Variants in FARSA observed in about 807,000 individuals in gnomAD.
FARSA encodes phenylalanyl-tRNA synthetase subunit alpha, also known as phenylalanine--tRNA ligase alpha subunit.
Under a neutral mutation model 63.2 loss-of-function variants are expected in FARSA, and 37 were observed. The ratio of observed to expected loss-of-function variants is 0.59; its 90% CI spans 0.45 to 0.77. The LOEUF is 0.77. FARSA is among the 30% of genes least tolerant of loss of function. The probability of loss-of-function intolerance (pLI) is 0.00; values close to 1 mark genes in which losing one functional copy is unlikely to be tolerated. For synonymous variants in FARSA, 312 were observed against 285.1 expected (o/e 1.09, Z -0.95); for missense variants, 618 against 696.6 (o/e 0.89, Z 1.27).
rs780203774 is a variant in FARSA, at chr19:12,930,597, C to A, written c.285+15G>T. The stretch of plus-strand genomic sequence containing the variant: ...CATCCCATCACTCACTCCCCATTCA[C>A]CCCGCAGCTCCTACCATAAGCTCGC... On this transcript the variant is annotated intron_variant, in intron 2 of 12. Transcript: ENST00000314606. 1.2e-6 allele frequency: 2 copies of A among 1,607,336 alleles called. No homozygotes were observed. Among genetic ancestry groups the A allele is most frequent in the East Asian group, 2.2e-5 (1 of 44,770 alleles).
At chr19:12,930,804 AC>A (rs35503400) in intron 1 of FARSA, 55 bp from the exon 2 acceptor site, 2 of 1,595,460 alleles carry the variant, frequency 1.3e-6, no homozygotes, top group South Asian at 1.1e-5. Flanking sequence ...AGAGCCAGGC[AC>A]CCCCTTTCTG....
Position 12,927,803 on chromosome 19 carries a change from G to A in FARSA, c.841+539C>T, listed in dbSNP as rs543076961. 2.0e-4 allele frequency among the ~76,000 whole-genome samples: 29 copies of A among 147,124 alleles called. No homozygotes were observed. In the South Asian group the frequency reaches 6.0e-3, roughly 30 times the overall value. The stretch of plus-strand genomic sequence containing the variant: ...TGTAATCCCAGCACTTTGGGAGGCC[G>A]AGGCAGACTGGAGTTTGAGACCACC... On this transcript the variant is annotated intron_variant, in intron 7 of 12. Transcript: ENST00000314606.
chr19:12,922,715 CG>C lies in FARSA; in HGVS notation c.*32del, dbSNP rs35636827. ...GCAAAGGAGCGCAGCAGCAGGGACT[CG>C]GGGAGGATGACCTGTCCTAGAGTGG... is the stretch of plus-strand genomic sequence containing the variant. On this transcript the variant is annotated 3_prime_UTR_variant, in exon 13 of 13. Transcript: ENST00000314606. 14 of 1,610,608 alleles carry C rather than the reference CG, an allele frequency of 8.7e-6. No homozygotes were observed. The African/African-American group carries it at 1.7e-4, about 20-fold the overall frequency.
intron 4 of FARSA, 116 bp from the exon 5 acceptor site, chr19:12,928,963 A>T: frequency 1.1e-6 from 1 of 876,472 alleles, no homozygotes; most frequent in Non-Finnish European, 1.9e-6. Flanking sequence ...CTTTATTTCC[A>T]TCCTGACATT....
At chr19:12,933,000 C>T (rs1020542773) in intron 1 of FARSA, 1 of 155,056 alleles carries the variant, frequency 6.4e-6, no homozygotes, top group Non-Finnish European at 1.4e-5. Flanking sequence ...ATCTGACCGG[C>T]TCTAGCTCCT....
intron 4 of FARSA, among the ~76,000 whole-genome samples, chr19:12,929,395 C>T (rs540769108): frequency 6.6e-6 from 1 of 152,246 alleles, no homozygotes; most frequent in South Asian, 2.1e-4. Context: ...TCAGTAAAGA[C>T]GAGGTTTCAC....
At chr19:12,923,027 AC>A in intron 12 of FARSA, 141 bp from the exon 13 acceptor site, 1 of 1,052,374 alleles carries the variant, frequency 9.5e-7, no homozygotes, top group Non-Finnish European at 1.4e-6. Context: ...CTGCTCTATC[AC>A]CTCTCACCCT....
Position 12,930,509 on chromosome 19 carries a change from C to G in FARSA, c.304G>C (p.Val102Leu). The part of the protein sequence containing the change: ...SELMRLPSGK[V>L]GFSKAMSNKW... ...TTGGACATGGCCTTGCTGAAGCCCA[C>G]TTTGCCACTGGGCAGTCGCTGGAAA... The change falls in exon 3 of 13, where the codon GTG becomes CTG. Residue 102 changes from valine (V) to leucine (L), a missense_variant. Physicochemically the swap from Val to Leu is conservative, Grantham distance 32. Coordinates refer to ENST00000314606, the MANE Select transcript of FARSA (RefSeq NM_004461.3). The G allele has an allele frequency of 6.2e-7, 1 of 1,614,096 alleles. No homozygotes were observed. Among genetic ancestry groups the G allele is most frequent in the Non-Finnish European group, 8.5e-7 (1 of 1,179,950 alleles).
In FARSA at chr19:12,922,759, CCT is replaced by C; in HGVS notation, c.1514_1515del (p.Gln505ArgfsTer37). The C allele has an allele frequency of 3.1e-6, 5 of 1,613,872 alleles. No homozygotes were observed. Among genetic ancestry groups the C allele is most frequent in the Non-Finnish European group, 3.4e-6 (4 of 1,180,010 alleles). On this transcript the variant is annotated frameshift_variant, in exon 13 of 13. Coordinates refer to ENST00000314606, the MANE Select transcript of FARSA (RefSeq NM_004461.3). LOFTEE classifies it high-confidence loss of function. ...TAGAGTGGCCCATGTCACGCAGCCTCCTGTGTGGGAGGGGGCCTCGGCTCGGC... is the reference window on the plus strand; with the variant it reads ...TAGAGTGGCCCATGTCACGCAGCCTCGTGTGGGAGGGGGCCTCGGCTCGGC... ...LDAEPRPPPT[Q>X]EAA
rs1307193756 is a variant in FARSA at position 12,933,370 on chromosome 19, G to C, written c.147+180C>G. 4.5e-6 allele frequency: 3 copies of C among 664,080 alleles called. No homozygotes were observed. The African/African-American group carries it at 5.6e-5, about 12-fold the overall frequency. 41.1% of individuals were successfully genotyped at this position (664,080 alleles called of 1,614,324 possible). A position where few individuals can be genotyped will look rare whatever the true frequency, so the allele number is the denominator to read the frequency against. The stretch of plus-strand genomic sequence containing the variant: ...GCCTCAATAAACGTTTATTGCATGA[G>C]GAACATCCGTGCGTCTGGGCCCTCA... On this transcript the variant is annotated intron_variant, in intron 1 of 12. Coordinates refer to ENST00000314606, the MANE Select transcript of FARSA (RefSeq NM_004461.3).
chr19:12,928,023 C>CAAAA (rs34586259), intron 7 of FARSA, among the ~76,000 whole-genome samples: 2,241 of 72,952 alleles, frequency 0.031, 317 homozygotes, highest in African/African-American at 0.052. Context: ...GACCCTGTCT[C>CAAAA]AAAAAAAAAA....
At chr19:12,933,331 C>T in intron 1 of FARSA, 1 of 566,448 alleles carries the variant, frequency 1.8e-6, no homozygotes, top group South Asian at 2.2e-5. Context: ...GTACCCTCTA[C>T]CCACGCTGAC....
chr19:12,932,842 C>T (rs1971411547), intron 1 of FARSA: 1 of 152,318 alleles, frequency 6.6e-6, no homozygotes, highest in Non-Finnish European at 1.5e-5. Flanking sequence ...TCCTGAATCC[C>T]ACGCCTTCCC....
At chr19:12,932,237 T>A (rs1971405923) in intron 1 of FARSA, among the ~76,000 whole-genome samples, 1 of 152,096 alleles carries the variant, frequency 6.6e-6, no homozygotes, top group African/African-American at 2.4e-5. Context: ...TTCATCATCT[T>A]GGCCAGGCTG....
Position 12,930,291 on chromosome 19 carries a change from C to A in FARSA, c.435G>T (p.Gly145=). The change falls in exon 4 of 13, where the codon GGG becomes GGT. Residue 145 remains glycine, a synonymous_variant. Coordinates refer to ENST00000314606, the MANE Select transcript of FARSA (RefSeq NM_004461.3). Reference sequence around the variant, plus strand: ...TCTCCCCCAGCTTCTCAGCCTGTCCCCCCCGGACCAGCTGGAGCCGCCGCT... The same window carrying A: ...TCTCCCCCAGCTTCTCAGCCTGTCCACCCCGGACCAGCTGGAGCCGCCGCT... ...EVQRRLQLVR[G]GQAEKLGEKE... The A allele has an allele frequency of 1.2e-6, 2 of 1,614,154 alleles. No individual in the cohort carries two copies. Among genetic ancestry groups the A allele is most frequent in the Non-Finnish European group, 1.7e-6 (2 of 1,180,020 alleles).
In FARSA at chr19:12,924,540, G is replaced by A. The variant is rs1971302506; in HGVS notation, c.1196-14C>T. The A allele has an allele frequency of 1.9e-6, 3 of 1,613,448 alleles. No individual in the cohort carries two copies. The highest frequency in any genetic ancestry group is 1.6e-4 in the Middle Eastern group (1 of 6,062). On this transcript the variant is annotated splice_polypyrimidine_tract_variant and intron_variant, in intron 10 of 12. Coordinates refer to ENST00000314606, the MANE Select transcript of FARSA (RefSeq NM_004461.3). The surrounding 1 kb of genome is among the most constrained non-coding windows in gnomAD (Gnocchi z 6.4). ...GTTGCGTGATACCTGCAGGAAGTGG[G>A]GGGCGGGCAGGAGAGCAGGGGTTTG...
intron 7 of FARSA, among the ~76,000 whole-genome samples, chr19:12,926,835 G>A (rs185942539): frequency 1.6e-4 from 24 of 152,340 alleles, no homozygotes; most frequent in Admixed American, 1.0e-3. Context: ...TACCCACTGA[G>A]GCTGGCCAAG....
Position 12,924,387 on chromosome 19 carries a change from C to G in FARSA, c.1273+62G>C. The G allele has an allele frequency of 4.4e-6, 7 of 1,579,178 alleles. No homozygotes were observed. Among genetic ancestry groups the G allele is most frequent in the Non-Finnish European group, 6.1e-6 (7 of 1,152,986 alleles). On this transcript the variant is annotated intron_variant, in intron 11 of 12. Transcript: ENST00000314606. The surrounding 1 kb of genome is among the most constrained non-coding windows in gnomAD (Gnocchi z 6.4). ...GGTACAGGCATGGCAATGGGGGGAC[C>G]CAGGCCAAACCATAGTAGCCTGAGA...
chr19:12,924,029 C>A lies in FARSA; in HGVS notation c.1388+122G>T. The A allele has an allele frequency of 2.7e-6, 2 of 741,976 alleles. No homozygotes were observed. The highest frequency in any genetic ancestry group is 1.5e-5 in the South Asian group (1 of 64,520). 46.0% of individuals were successfully genotyped at this position (741,976 alleles called of 1,614,324 possible). A position where few individuals can be genotyped will look rare whatever the true frequency, so the allele number is the denominator to read the frequency against. ...CACGGGGCTGAGCATTCAGTTTGTA[C>A]TCACGATGAAAGTTTTGTCCATTGG... On this transcript the variant is annotated intron_variant, in intron 12 of 12. Coordinates refer to ENST00000314606, the MANE Select transcript of FARSA (RefSeq NM_004461.3). This position sits in a 1 kb window ranked among gnomAD's most constrained non-coding sequence, Gnocchi z 6.4.
Sources: allele counts gnomAD v4.1 joint callset (sites outside exome capture counted in the v4.1 genomes callset), GRCh38; gene constraint gnomAD v4.1.1; non-coding constraint Gnocchi (gnomAD v3.1); transcripts MANE v1.5; gene names NCBI Gene and HGNC (gene_info 2026-07-23, HGNC 2026-07-21).